DACH1: variants seen among roughly 807,000 people sequenced by gnomAD.
DACH1 encodes the protein dachshund homolog 1.
In DACH1, 12 loss-of-function variants were observed where a neutral mutation model predicts 54.2. The observed-to-expected ratio is 0.22, with a 90% confidence interval of 0.14 to 0.36. The LOEUF (loss-of-function observed/expected upper bound fraction) is 0.36. Ranked by LOEUF, DACH1 falls within the 10% of genes least tolerant of loss-of-function variation. The pLI, the probability that DACH1 is intolerant of heterozygous loss-of-function variation, is 1.00. For synonymous variants in DACH1, 386 were observed against 366.2 expected (o/e 1.05, Z -0.62); for missense variants, 805 against 929.8 (o/e 0.87, Z 1.75).
chr13:71,454,338 C>T (rs1875353314), intron 10 of DACH1, among the ~76,000 whole-genome samples: 2 of 152,162 alleles, frequency 1.3e-5, no homozygotes, highest in Admixed American at 1.3e-4. Flanking sequence ...CTGTGGTAGG[C>T]ATCCTCTAAG....
chr13:71,818,655 G>A (rs1282591064), intron 1 of DACH1, among the ~76,000 whole-genome samples: 1 of 152,134 alleles, frequency 6.6e-6, no homozygotes. Context: ...CATCCTCCAG[G>A]TTAGGCATGG....
intron 1 of DACH1, among the ~76,000 whole-genome samples, chr13:71,724,432 C>T (rs1244315860): frequency 6.6e-6 from 1 of 152,044 alleles, no homozygotes; most frequent in Non-Finnish European, 1.5e-5. Context: ...ACAATATATT[C>T]AATGCATGCC....
intron 1 of DACH1, among the ~76,000 whole-genome samples, chr13:71,809,144 A>T (rs1032552617): frequency 6.6e-6 from 1 of 152,186 alleles, no homozygotes; most frequent in Admixed American, 6.5e-5. Flanking sequence ...TAAATCTTTC[A>T]TGTGAAAAGG....
At chr13:71,543,241 T>A (rs973018970) in intron 6 of DACH1, among the ~76,000 whole-genome samples, 2 of 152,090 alleles carry the variant, frequency 1.3e-5, no homozygotes, top group Non-Finnish European at 2.9e-5. Flanking sequence ...TGTAATTGCA[T>A]CACTTTTGGT....
intron 10 of DACH1, among the ~76,000 whole-genome samples, chr13:71,460,140 T>C (rs1875945563): frequency 6.6e-6 from 1 of 152,020 alleles, no homozygotes. Context: ...AAGTAGGCAA[T>C]TACCTACCAA....
intron 7 of DACH1, among the ~76,000 whole-genome samples, chr13:71,482,249 G>T (rs1406681298): frequency 6.6e-6 from 1 of 151,238 alleles, no homozygotes; most frequent in Non-Finnish European, 1.5e-5. Flanking sequence ...TTTTTAAAGG[G>T]TACTGTATCT....
At chr13:71,829,317 T>C (rs888614232) in intron 1 of DACH1, among the ~76,000 whole-genome samples, 1 of 151,870 alleles carries the variant, frequency 6.6e-6, no homozygotes, top group Non-Finnish European at 1.5e-5. Context: ...AAAATCCTGA[T>C]CTTAGGAAAT....
intron 10 of DACH1, chr13:71,464,822 C>A: frequency 2.4e-6 from 1 of 418,142 alleles, no homozygotes; most frequent in South Asian, 1.8e-5. Context: ...ATTCTCAAGA[C>A]TATGTTTAGT....
intron 3 of DACH1, among the ~76,000 whole-genome samples, chr13:71,615,984 A>G (rs1875731787): frequency 6.6e-6 from 1 of 152,182 alleles, no homozygotes; most frequent in Non-Finnish European, 1.5e-5. Context: ...AAATTGTTAT[A>G]CCTATTATAC....
At chr13:71,561,081 G>T (rs2138385565) in intron 4 of DACH1, among the ~76,000 whole-genome samples, 1 of 152,244 alleles carries the variant, frequency 6.6e-6, no homozygotes, top group African/African-American at 2.4e-5. Context: ...ACAAATAGGA[G>T]GTTCCAGGTT....
chr13:71,828,347 T>G (rs1325609034), intron 1 of DACH1, among the ~76,000 whole-genome samples: 1 of 152,010 alleles, frequency 6.6e-6, no homozygotes, highest in Non-Finnish European at 1.5e-5. Context: ...TGTCTGCTTC[T>G]CTCTCCACAG....
intron 6 of DACH1, among the ~76,000 whole-genome samples, chr13:71,519,883 G>GTATATATATATATATA (rs57190375): frequency 0.039 from 1,145 of 29,282 alleles, 154 homozygotes; most frequent in East Asian, 0.062. Flanking sequence ...AACCAAAGTA[G>GTATATATATATATATA]TATATATATA....
Position 71,839,423 on chromosome 13 carries a change from C to T in DACH1, c.848+26499G>A, listed in dbSNP as rs145291501. 8.6e-3 allele frequency among the ~76,000 whole-genome samples: 1,308 copies of T among 151,986 alleles called. 13 individuals carry two copies. Among genetic ancestry groups the T allele is most frequent in the East Asian group, 0.012 (62 of 5,124 alleles). Reference sequence around the variant, plus strand: ...GAGATCAAGATCATCCTGGCTAATACGGTGAAACCCCGTATCTACTAAAAA... The same window carrying T: ...GAGATCAAGATCATCCTGGCTAATATGGTGAAACCCCGTATCTACTAAAAA... On this transcript the variant is annotated intron_variant, in intron 1 of 10. Transcript: ENST00000613252.
intron 1 of DACH1, among the ~76,000 whole-genome samples, chr13:71,739,598 C>A (rs186823926): frequency 3.3e-5 from 5 of 152,100 alleles, no homozygotes; most frequent in Admixed American, 3.3e-4. Flanking sequence ...GCACTATCTA[C>A]CTTTCAGGTG....
At position 71,479,321 on chromosome 13, in the gene DACH1, A is replaced by G; in HGVS notation, c.1723-5T>C. The stretch of plus-strand genomic sequence containing the variant: ...TATGGCAACTTTCAACAGCCCCTGT[A>G]CAAAGAAGATATTCGGAATGGTAAT... On this transcript the variant is annotated splice_region_variant and splice_polypyrimidine_tract_variant and intron_variant, in intron 7 of 10. Coordinates refer to ENST00000613252, the MANE Select transcript of DACH1 (RefSeq NM_080759.6). 6.2e-7 allele frequency: 1 copy of G among 1,603,166 alleles called. No individual in the cohort carries two copies. The highest frequency in any genetic ancestry group is 1.3e-5 in the African/African-American group (1 of 74,276).
chr13:71,695,842 G>A (rs1376139312), intron 1 of DACH1, among the ~76,000 whole-genome samples: 1 of 152,156 alleles, frequency 6.6e-6, no homozygotes, highest in Non-Finnish European at 1.5e-5. Flanking sequence ...CAACCAACAG[G>A]GTTGAGTTTG....
chr13:71,586,733 C>T (rs2138448318), intron 3 of DACH1, among the ~76,000 whole-genome samples: 1 of 152,130 alleles, frequency 6.6e-6, no homozygotes, highest in South Asian at 2.1e-4. Context: ...TTATTATCTT[C>T]AGCCTGAAAA....
At chr13:71,519,907 A>ATATATATATATATATATATC (rs1248149525) in intron 6 of DACH1, among the ~76,000 whole-genome samples, 11 of 137,644 alleles carry the variant, frequency 8.0e-5, no homozygotes, top group South Asian at 2.3e-4. Flanking sequence ...ATATATATAT[A>ATATATATATATATATATATC]TCCTAACTAA....
intron 6 of DACH1, among the ~76,000 whole-genome samples, chr13:71,540,690 A>G (rs1317219590): frequency 1.3e-5 from 2 of 152,056 alleles, no homozygotes; most frequent in Non-Finnish European, 1.5e-5. Flanking sequence ...GATCATTTTG[A>G]AACCTTATAG....
Sources: allele counts gnomAD v4.1 joint callset (sites outside exome capture counted in the v4.1 genomes callset), GRCh38; gene constraint gnomAD v4.1.1; transcripts MANE v1.5; gene names NCBI Gene and HGNC (gene_info 2026-07-23, HGNC 2026-07-21).